The following RBFOX1 variants were observed in gnomAD, a reference collection of about 807,000 sequenced individuals.
The protein encoded by RBFOX1 is RNA binding protein fox-1 homolog 1.
A neutral mutation model predicts 57.7 loss-of-function variants in RBFOX1; 8 were observed. The observed-to-expected ratio is 0.14, with a 90% CI of 0.08 to 0.25. The LOEUF (loss-of-function observed/expected upper bound fraction) is 0.25. Among genes scored for constraint, RBFOX1 ranks in the 10% least tolerant of loss-of-function variants. The probability of loss-of-function intolerance (pLI) is 1.00; values close to 1 mark genes in which losing one functional copy is unlikely to be tolerated. For synonymous variants in RBFOX1, 326 were observed against 222.4 expected (o/e 1.47, Z -4.15); for missense variants, 611 against 548.5 (o/e 1.11, Z -1.14).
rs112060118 is a variant in RBFOX1, at chr16:7,480,921, G to A, written c.28-37226G>A. On this transcript the variant is annotated intron_variant, in intron 4 of 15. Coordinates refer to ENST00000550418, the MANE Select transcript of RBFOX1 (RefSeq NM_018723.4). ...GAGGGACCTGGGAGGGAGGGGCAGG[G>A]GTAGGGGTCTCTGTAGTGCGAATTA... Among the ~76,000 whole-genome samples the A allele has an allele frequency of 3.3e-5, 5 of 152,264 alleles. 1 individual carries two copies. Among genetic ancestry groups the A allele is most frequent in the African/African-American group, 1.2e-4 (5 of 41,570 alleles).
chr16:7,520,397 A>G (rs1600734157), intron 5 of RBFOX1, among the ~76,000 whole-genome samples: 1 of 151,988 alleles, frequency 6.6e-6, no homozygotes, highest in African/African-American at 2.4e-5. Context: ...CCAAAAGGAA[A>G]CCCCATACCC....
chr16:7,669,632 ACAC>A (rs139493773), intron 13 of RBFOX1, among the ~76,000 whole-genome samples: 2,163 of 152,284 alleles, frequency 0.014, 52 homozygotes, highest in African/African-American at 0.049. Flanking sequence ...TTTCTGGTTA[ACAC>A]CATGGCTAAA....
intron 3 of RBFOX1, among the ~76,000 whole-genome samples, chr16:6,933,376 C>A (rs958495978): frequency 6.6e-6 from 1 of 152,340 alleles, no homozygotes; most frequent in Admixed American, 6.5e-5. Context: ...GGGTTCCAAT[C>A]TGTCCACATC....
chr16:7,630,156 C>T (rs868232282), intron 10 of RBFOX1, among the ~76,000 whole-genome samples: 2 of 151,908 alleles, frequency 1.3e-5, no homozygotes, highest in Non-Finnish European at 2.9e-5. Flanking sequence ...CAGCCATTCT[C>T]GGAGGTAGGT....
At chr16:6,692,932 CATT>C (rs1328258464) in intron 3 of RBFOX1, among the ~76,000 whole-genome samples, 4 of 150,962 alleles carry the variant, frequency 2.6e-5, no homozygotes, top group African/African-American at 9.7e-5. Context: ...CCATCACCAC[CATT>C]ATTATCAACA....
At chr16:5,579,562 T>G (rs187631529) in intron 2 of RBFOX1, among the ~76,000 whole-genome samples, 167 of 152,200 alleles carry the variant, frequency 1.1e-3, no homozygotes, top group African/African-American at 3.9e-3. Flanking sequence ...TCCACCTGTT[T>G]CTCCAGCTCG....
intron 4 of RBFOX1, among the ~76,000 whole-genome samples, chr16:7,383,850 A>T (rs1187092774): frequency 1.3e-5 from 2 of 152,078 alleles, no homozygotes; most frequent in Non-Finnish European, 2.9e-5. Flanking sequence ...AGGTCAGAAG[A>T]TCGAGACTAT....
chr16:5,653,600 G>T (rs865871486), intron 3 of RBFOX1, among the ~76,000 whole-genome samples: 2 of 152,270 alleles, frequency 1.3e-5, no homozygotes, highest in African/African-American at 4.8e-5. Context: ...GACCTCCTTT[G>T]CCTCTCCCTC....
chr16:6,182,747 G>T (rs895296086), intron 1 of RBFOX1, among the ~76,000 whole-genome samples: 2 of 152,034 alleles, frequency 1.3e-5, no homozygotes, highest in Admixed American at 1.3e-4. Context: ...AGTTAAATAG[G>T]GTACCTCTAA....
chr16:7,221,326 A>G (rs2092709124), intron 4 of RBFOX1, among the ~76,000 whole-genome samples: 1 of 133,206 alleles, frequency 7.5e-6, no homozygotes, highest in Admixed American at 8.5e-5. Flanking sequence ...TGACTTGTTT[A>G]TTCTTTATTT....
intron 3 of RBFOX1, among the ~76,000 whole-genome samples, chr16:7,008,646 C>T (rs1170792476): frequency 1.2e-5 from 1 of 82,916 alleles, no homozygotes; most frequent in East Asian, 4.1e-4. Flanking sequence ...CCCTCCCTTC[C>T]TTCCTCCTCC....
At chr16:5,810,391 A>G (rs1310421880) in intron 3 of RBFOX1, among the ~76,000 whole-genome samples, 2 of 152,234 alleles carry the variant, frequency 1.3e-5, no homozygotes, top group African/African-American at 4.8e-5. Context: ...CTCAGAATAA[A>G]CCAATCTTGC....
intron 3 of RBFOX1, among the ~76,000 whole-genome samples, chr16:6,684,193 A>C (rs2059090240): frequency 6.6e-6 from 1 of 152,212 alleles, no homozygotes; most frequent in African/African-American, 2.4e-5. Flanking sequence ...GGATGTACGC[A>C]AATGTTTATT....
At chr16:7,148,782 C>A (rs564157611) in intron 4 of RBFOX1, among the ~76,000 whole-genome samples, 1 of 152,184 alleles carries the variant, frequency 6.6e-6, no homozygotes, top group African/African-American at 2.4e-5. Flanking sequence ...TGAGACTAAT[C>A]CTGAGTTCGG....
At chr16:5,833,702 G>A (rs2056362022) in intron 3 of RBFOX1, among the ~76,000 whole-genome samples, 1 of 152,082 alleles carries the variant, frequency 6.6e-6, no homozygotes, top group African/African-American at 2.4e-5. Flanking sequence ...TCCTTGAAAT[G>A]TCTCATGTTG....
chr16:6,819,129 C>T (rs2090757123), intron 3 of RBFOX1, among the ~76,000 whole-genome samples: 2 of 152,178 alleles, frequency 1.3e-5, no homozygotes, highest in Admixed American at 1.3e-4. Context: ...TCCATGTGGG[C>T]TATGGCAGTT....
At chr16:5,984,721 A>T (rs2060246495) in intron 4 of RBFOX1, among the ~76,000 whole-genome samples, 1 of 152,014 alleles carries the variant, frequency 6.6e-6, no homozygotes, top group African/African-American at 2.4e-5. Context: ...AACATCACAG[A>T]AGGCACTTAA....
intron 1 of RBFOX1, among the ~76,000 whole-genome samples, chr16:5,354,993 A>G (rs920642764): frequency 9.3e-6 from 1 of 107,220 alleles, no homozygotes; most frequent in Non-Finnish European, 2.2e-5. Context: ...GGGTGAAGGG[A>G]TGTGTATGTG....
At chr16:5,922,391 C>T (rs2058843688) in intron 4 of RBFOX1, among the ~76,000 whole-genome samples, 1 of 152,174 alleles carries the variant, frequency 6.6e-6, no homozygotes, top group African/African-American at 2.4e-5. Context: ...GAAAAAGGGA[C>T]ACAAGGAGAT....
Sources: gnomAD v4.1 joint callset for allele counts (sites outside exome capture counted in the v4.1 genomes callset) on GRCh38, gnomAD v4.1.1 for gene constraint, MANE v1.5 for transcripts, NCBI Gene and HGNC (gene_info 2026-07-23, HGNC 2026-07-21) for gene names.